The following NAALADL2 variants were observed in gnomAD, a reference collection of about 807,000 sequenced individuals.
NAALADL2 encodes inactive N-acetylated-alpha-linked acidic dipeptidase-like protein 2.
In NAALADL2, 76 loss-of-function variants were observed where a neutral mutation model predicts 87.2. The ratio of observed to expected loss-of-function variants is 0.87; its 90% CI spans 0.72 to 1.05. The LOEUF (loss-of-function observed/expected upper bound fraction) is 1.05. NAALADL2 is among the 50% of genes least tolerant of loss of function. The pLI is 0.00. For missense variants in NAALADL2, 1,089 were observed against 945.8 expected (o/e 1.15, Z -1.99); for synonymous variants, 354 against 331.0 (o/e 1.07, Z -0.75).
chr3:175,495,714 T>C (rs1182191874), intron 9 of NAALADL2, among the ~76,000 whole-genome samples: 1 of 152,076 alleles, frequency 6.6e-6, no homozygotes, highest in Non-Finnish European at 1.5e-5. Context: ...TTCTATCTCT[T>C]CTATTGATGC....
intron 3 of NAALADL2, among the ~76,000 whole-genome samples, chr3:174,832,767 A>G (rs541881703): frequency 7.0e-4 from 106 of 152,214 alleles, no homozygotes; most frequent in African/African-American, 2.4e-3. Context: ...CACCTGGCCA[A>G]TATTACCTCT....
At chr3:175,050,706 A>G (rs1005838140) in intron 1 of NAALADL2, among the ~76,000 whole-genome samples, 1 of 152,324 alleles carries the variant, frequency 6.6e-6, no homozygotes, top group East Asian at 1.9e-4. Flanking sequence ...GTTTTTCTAA[A>G]TGTAACAGAT....
At chr3:175,453,074 A>C (rs1295119222) in intron 6 of NAALADL2, among the ~76,000 whole-genome samples, 1 of 152,138 alleles carries the variant, frequency 6.6e-6, no homozygotes, top group African/African-American at 2.4e-5. Context: ...TGAGATGTAC[A>C]CTTGGAAGCA....
chr3:174,980,275 G>A (rs534427503), intron 1 of NAALADL2, among the ~76,000 whole-genome samples: 2 of 152,280 alleles, frequency 1.3e-5, no homozygotes, highest in East Asian at 3.9e-4. Flanking sequence ...AACCTGCTAT[G>A]ATACATGCCT....
At chr3:175,222,711 A>C (rs945206605) in intron 2 of NAALADL2, among the ~76,000 whole-genome samples, 1 of 152,174 alleles carries the variant, frequency 6.6e-6, no homozygotes, top group Non-Finnish European at 1.5e-5. Flanking sequence ...TGAAAGTTAT[A>C]TATGTCCATA....
Position 175,803,263 on chromosome 3 carries a change from A to C in NAALADL2, c.*60A>C. On this transcript the variant is annotated 3_prime_UTR_variant, in exon 14 of 14. Coordinates refer to ENST00000454872, the MANE Select transcript of NAALADL2 (RefSeq NM_207015.3). ...ATTCCACAAGCAAAAGCTCTAATTT[A>C]ACCAGATTTTCTGACATTGAAGGCT... is the stretch of plus-strand genomic sequence containing the variant. 1.5e-6 allele frequency: 2 copies of C among 1,316,400 alleles called. No individual in the cohort carries two copies. Among genetic ancestry groups the C allele is most frequent in the Non-Finnish European group, 2.1e-6 (2 of 963,900 alleles). 81.5% of individuals were successfully genotyped at this position (1,316,400 alleles called of 1,614,324 possible). A position where few individuals can be genotyped will look rare whatever the true frequency, so the allele number is the denominator to read the frequency against.
intron 1 of NAALADL2, among the ~76,000 whole-genome samples, chr3:175,043,510 T>G (rs1754326879): frequency 6.6e-6 from 1 of 152,184 alleles, no homozygotes; most frequent in Non-Finnish European, 1.5e-5. Flanking sequence ...GTGCTGGCGT[T>G]ACAGGTGTGA....
chr3:174,821,284 T>G (rs1352800699), intron 3 of NAALADL2, among the ~76,000 whole-genome samples: 1 of 152,176 alleles, frequency 6.6e-6, no homozygotes, highest in Non-Finnish European at 1.5e-5. Flanking sequence ...ATTTAACTCC[T>G]CATTTATACT....
At chr3:174,607,823 A>C (rs1719294299) in intron 2 of NAALADL2, among the ~76,000 whole-genome samples, 1 of 152,110 alleles carries the variant, frequency 6.6e-6, no homozygotes, top group South Asian at 2.1e-4. Flanking sequence ...GACCTAATAG[A>C]CATCTGCAGA....
chr3:175,511,309 T>C (rs1400816213), intron 9 of NAALADL2, among the ~76,000 whole-genome samples: 2 of 152,212 alleles, frequency 1.3e-5, no homozygotes, highest in Non-Finnish European at 2.9e-5. Flanking sequence ...AATATGATTC[T>C]ATTTAGAGAT....
chr3:175,615,902 G>A (rs990024445), intron 10 of NAALADL2, among the ~76,000 whole-genome samples: 23 of 145,576 alleles, frequency 1.6e-4, no homozygotes, highest in East Asian at 5.9e-4. Context: ...TATAAAATAC[G>A]TATAATATAT....
chr3:174,660,857 T>C (rs1019081931), intron 2 of NAALADL2, among the ~76,000 whole-genome samples: 1 of 152,158 alleles, frequency 6.6e-6, no homozygotes, highest in Non-Finnish European at 1.5e-5. Context: ...GTACCTTTTA[T>C]AAATATAATT....
chr3:175,187,698 G>A (rs1214675360), intron 2 of NAALADL2, among the ~76,000 whole-genome samples: 1 of 151,444 alleles, frequency 6.6e-6, no homozygotes, highest in Non-Finnish European at 1.5e-5. Context: ...AATTAATCTT[G>A]GTTTGACTAT....
chr3:175,528,189 C>T (rs530198286), intron 9 of NAALADL2, among the ~76,000 whole-genome samples: 8 of 151,946 alleles, frequency 5.3e-5, no homozygotes, highest in South Asian at 4.2e-4. Context: ...ATATAAATAA[C>T]GGGGAGTTTA....
intron 2 of NAALADL2, among the ~76,000 whole-genome samples, chr3:175,121,288 T>C (rs1237072431): frequency 6.6e-6 from 1 of 151,876 alleles, no homozygotes; most frequent in African/African-American, 2.4e-5. Context: ...AGGTTCTTTG[T>C]CTTGGGCTTT....
At chr3:175,191,011 TAACC>T (rs1402855448) in intron 2 of NAALADL2, among the ~76,000 whole-genome samples, 1 of 149,152 alleles carries the variant, frequency 6.7e-6, no homozygotes, top group African/African-American at 2.5e-5. Context: ...AAAAGAAAAG[TAACC>T]AATACGTAGA....
chr3:175,464,231 T>A (rs1008948198), intron 7 of NAALADL2, among the ~76,000 whole-genome samples: 2 of 152,150 alleles, frequency 1.3e-5, no homozygotes, highest in African/African-American at 4.8e-5. Flanking sequence ...CCACTCTGTA[T>A]CCTTGGTCCA....
intron 2 of NAALADL2, among the ~76,000 whole-genome samples, chr3:175,199,518 G>T (rs1739492543): frequency 6.6e-6 from 1 of 151,878 alleles, no homozygotes; most frequent in Non-Finnish European, 1.5e-5. Flanking sequence ...TGTGCCTTAT[G>T]CACTATTGTA....
At chr3:174,849,258 ACT>A (rs1724970056) in intron 3 of NAALADL2, among the ~76,000 whole-genome samples, 1 of 151,668 alleles carries the variant, frequency 6.6e-6, no homozygotes, top group Admixed American at 6.6e-5. Context: ...ATCTTAATTG[ACT>A]CTATCTTTTA....
Sources: gnomAD v4.1 joint callset for allele counts (sites outside exome capture counted in the v4.1 genomes callset) on GRCh38, gnomAD v4.1.1 for gene constraint, MANE v1.5 for transcripts, NCBI Gene and HGNC (gene_info 2026-07-23, HGNC 2026-07-21) for gene names.